B3GLCT: variants seen among roughly 807,000 people sequenced by gnomAD.
The protein encoded by B3GLCT is beta-1,3-glucosyltransferase.
A neutral mutation model predicts 63.4 loss-of-function variants in B3GLCT; 65 were observed. The observed-to-expected ratio is 1.03, with a 90% CI of 0.84 to 1.26. The LOEUF (loss-of-function observed/expected upper bound fraction) is 1.26, where lower values mean the gene tolerates loss of function less well. Ranked by LOEUF, B3GLCT falls within the 50% of genes most tolerant of loss-of-function variation. B3GLCT has a pLI of 0.00. For missense variants in B3GLCT, 577 were observed against 604.8 expected (o/e 0.95, Z 0.48); for synonymous variants, 233 against 219.2 (o/e 1.06, Z -0.55).
chr13:31,259,067 A>G, intron 6 of B3GLCT, among the ~76,000 whole-genome samples: 1 of 151,990 alleles, frequency 6.6e-6, no homozygotes, highest in East Asian at 1.9e-4. Flanking sequence ...TGAATTACTA[A>G]CTTCAGTTCT....
chr13:31,234,519 G>A (rs544275115), intron 4 of B3GLCT, among the ~76,000 whole-genome samples: 30 of 152,276 alleles, frequency 2.0e-4, no homozygotes, highest in African/African-American at 7.0e-4. Flanking sequence ...AGGTGGGAGG[G>A]GAGGGCTTTC....
At position 31,260,986 on chromosome 13, in the gene B3GLCT, CAATA is replaced by C; in HGVS notation, c.502_505del (p.Ile168PhefsTer24). Reference sequence around the variant, plus strand: ...AAAGCATTACATGATGAAGAAGCTACAATAATTCACCATTATGCCTTTTCCGAGA... The same window carrying C: ...AAAGCATTACATGATGAAGAAGCTACATTCACCATTATGCCTTTTCCGAGA... On this transcript the variant is annotated frameshift_variant, in exon 7 of 15. Coordinates refer to ENST00000343307, the MANE Select transcript of B3GLCT (RefSeq NM_194318.4). LOFTEE classifies it high-confidence loss of function. 1 of 1,613,788 alleles carries C rather than the reference CAATA, an allele frequency of 6.2e-7. No homozygotes were observed. Among genetic ancestry groups the C allele is most frequent in the Middle Eastern group, 1.6e-4 (1 of 6,062 alleles).
chr13:31,250,956 C>T (rs962691392), intron 6 of B3GLCT, among the ~76,000 whole-genome samples: 3 of 152,146 alleles, frequency 2.0e-5, no homozygotes, highest in African/African-American at 7.2e-5. Flanking sequence ...ACACCTCATA[C>T]AGGAGAGCTC....
rs1194266242 is a variant in B3GLCT at position 31,328,716 on chromosome 13, A to AC, written c.1330-785_1330-784insC. ...TCAAAAAAAAAAAAAAAAAAAAAAA[A>AC]AGGTTTACCGAGAGAAACTGGATAC... On this transcript the variant is annotated intron_variant, in intron 14 of 14. Transcript: ENST00000343307. 1.7e-4 allele frequency among the ~76,000 whole-genome samples: 25 copies of AC among 151,128 alleles called. No individual in the cohort carries two copies. In the East Asian group the frequency reaches 4.5e-3, roughly 27 times the overall value.
rs1257156974 is a variant in B3GLCT at position 31,330,446 on chromosome 13, AT to A, written c.*782del. On this transcript the variant is annotated 3_prime_UTR_variant, in exon 15 of 15. Transcript: ENST00000343307. Reference sequence around the variant, plus strand: ...GCTGCCAGAAAATAGTGTCCTCAATATTTTAAAACAATGTTGACATGTTTTG... The same window carrying A: ...GCTGCCAGAAAATAGTGTCCTCAATATTTAAAACAATGTTGACATGTTTTG... 6.6e-6 allele frequency: 1 copy of A among 152,030 alleles called. No individual in the cohort carries two copies. Among genetic ancestry groups the A allele is most frequent in the African/African-American group, 2.4e-5 (1 of 41,392 alleles). The allele number at this position is 152,030 out of a possible 1,614,324, so 9.4% of individuals were successfully genotyped here.
At chr13:31,280,991 A>G (rs1177705057) in intron 10 of B3GLCT, among the ~76,000 whole-genome samples, 2 of 152,208 alleles carry the variant, frequency 1.3e-5, no homozygotes, top group Admixed American at 1.3e-4. Flanking sequence ...TGGTGTTTTA[A>G]TATTCAACTT....
chr13:31,222,814 GA>G, intron 2 of B3GLCT, 137 bp from the exon 3 acceptor site: 2 of 665,862 alleles, frequency 3.0e-6, no homozygotes, highest in Non-Finnish European at 5.5e-6. Context: ...TTTCTTTAGG[GA>G]AGCGTTTCCA....
At chr13:31,317,111 C>T (rs974484519) in intron 12 of B3GLCT, among the ~76,000 whole-genome samples, 2 of 152,220 alleles carry the variant, frequency 1.3e-5, no homozygotes, top group African/African-American at 4.8e-5. Flanking sequence ...CATGCATTTG[C>T]ATCTCAGTGG....
chr13:31,312,964 G>T (rs961320924), intron 12 of B3GLCT: 1 of 152,196 alleles, frequency 6.6e-6, no homozygotes. Flanking sequence ...ACATTTTCTA[G>T]TCACTCAGAA....
intron 4 of B3GLCT, among the ~76,000 whole-genome samples, chr13:31,230,880 C>T (rs1187525870): frequency 5.9e-5 from 9 of 152,100 alleles, no homozygotes; most frequent in East Asian, 1.9e-4. Context: ...TGGTGGTGTG[C>T]GCCTGTAGTC....
intron 10 of B3GLCT, among the ~76,000 whole-genome samples, chr13:31,284,229 A>G (rs943396379): frequency 6.6e-6 from 1 of 152,224 alleles, no homozygotes; most frequent in East Asian, 1.9e-4. Context: ...AGGGTTGGGT[A>G]GTTCTGTTAG....
intron 12 of B3GLCT, among the ~76,000 whole-genome samples, chr13:31,290,179 C>T (rs564102824): frequency 5.4e-4 from 82 of 152,158 alleles, no homozygotes; most frequent in East Asian, 5.8e-4. Flanking sequence ...CATCCATGTC[C>T]GTGCAGAAGA....
intron 1 of B3GLCT, among the ~76,000 whole-genome samples, chr13:31,204,240 C>T (rs987410719): frequency 1.3e-5 from 2 of 152,186 alleles, no homozygotes; most frequent in Non-Finnish European, 2.9e-5. Flanking sequence ...ACGTTTGTTG[C>T]TGTCTGGATA....
rs986369622 is a variant in B3GLCT, at chr13:31,304,524, A to G, written c.1065-13042A>G. On this transcript the variant is annotated intron_variant, in intron 12 of 14. Transcript: ENST00000343307. ...GAAAACAAAAAAAGGCAGGGGTTGC[A>G]ATCCTAGTCTCTGATAAAACAGACT... Among the ~76,000 whole-genome samples the G allele has an allele frequency of 2.2e-4, 15 of 67,840 alleles. No individual in the cohort carries two copies. In the South Asian group the frequency reaches 9.4e-3, roughly 42 times the overall value. The allele number at this position is 67,840 out of a possible 152,430, so 44.5% of individuals were successfully genotyped here.
Position 31,329,603 on chromosome 13 carries a change from T to G in B3GLCT, c.1432T>G (p.Leu478Val), listed in dbSNP as rs781668352. 1.2e-6 allele frequency: 2 copies of G among 1,614,214 alleles called. No individual in the cohort carries two copies. The highest frequency in any genetic ancestry group is 2.2e-5 in the East Asian group (1 of 44,876). The change falls in exon 15 of 15, where the codon TTG becomes GTG. Residue 478 changes from leucine (L) to valine (V), a missense_variant. Transcript: ENST00000343307. ...IDPVKVYFTW[L>V]APSDEDKARQ... ...TCCAGTGAAGGTGTATTTCACATGG[T>G]TGGCACCCAGTGACGAAGACAAAGC...
At chr13:31,214,767 TTA>T (rs1869464608) in intron 1 of B3GLCT, among the ~76,000 whole-genome samples, 1 of 152,244 alleles carries the variant, frequency 6.6e-6, no homozygotes, top group African/African-American at 2.4e-5. Context: ...ATTTTATAGT[TTA>T]TGTCTATAGA....
chr13:31,328,599 C>T (rs1339265001), intron 14 of B3GLCT, among the ~76,000 whole-genome samples: 1 of 136,614 alleles, frequency 7.3e-6, no homozygotes, highest in Non-Finnish European at 1.5e-5. Context: ...AGGCTGAGGC[C>T]GGAGAATCGC....
chr13:31,245,851 T>C (rs1871175080), intron 4 of B3GLCT, among the ~76,000 whole-genome samples: 1 of 152,158 alleles, frequency 6.6e-6, no homozygotes, highest in Non-Finnish European at 1.5e-5. Context: ...AGGCCCTGAA[T>C]TATTTATATT....
rs192405123 is a variant in B3GLCT, at chr13:31,267,828, T to C, written c.597-1386T>C. ...GAAACTTACTAGTATTTTTCCTTTT[T>C]CTTTTAAAATTTTTGTTTCTTTCTT... On this transcript the variant is annotated intron_variant, in intron 7 of 14. Transcript: ENST00000343307. Among the ~76,000 whole-genome samples the C allele has an allele frequency of 1.2e-4, 19 of 152,132 alleles. 1 individual carries two copies. Among genetic ancestry groups the C allele is most frequent in the Admixed American group, 1.2e-3 (19 of 15,304 alleles).
Sources: allele counts gnomAD v4.1 joint callset (sites outside exome capture counted in the v4.1 genomes callset), GRCh38; gene constraint gnomAD v4.1.1; transcripts MANE v1.5; gene names NCBI Gene and HGNC (gene_info 2026-07-23, HGNC 2026-07-21).